The following PDE1A variants were observed in gnomAD, a reference collection of about 807,000 sequenced individuals.
The protein encoded by PDE1A is dual specificity calcium/calmodulin-dependent 3',5'-cyclic nucleotide phosphodiesterase 1A.
A neutral mutation model predicts 61.7 loss-of-function variants in PDE1A; 35 were observed. The observed-to-expected ratio is 0.57, with a 90% CI of 0.43 to 0.75. The LOEUF is 0.75. PDE1A is among the 30% of genes least tolerant of loss of function. PDE1A has a pLI of 0.00. For synonymous variants in PDE1A, 232 were observed against 213.2 expected (o/e 1.09, Z -0.77); for missense variants, 597 against 630.6 (o/e 0.95, Z 0.57).
intron 1 of PDE1A, among the ~76,000 whole-genome samples, chr2:182,332,149 G>A (rs1278631188): frequency 6.6e-6 from 1 of 152,012 alleles, no homozygotes; most frequent in African/African-American, 2.4e-5. Flanking sequence ...TTCAGCTACT[G>A]ATACTTGTGT....
In PDE1A at chr2:182,223,898, T is replaced by C. The variant is rs759193359; in HGVS notation, c.742A>G (p.Thr248Ala). The change falls in exon 7 of 14, where the codon ACA becomes GCA. Residue 248 changes from threonine to alanine, a missense_variant. Transcript: ENST00000351439. The stretch of plus-strand genomic sequence containing the variant: ...ATGTGAAAGTTGTTTGTTGTCCCTG[T>C]ATGCTCATAATCATGAATGGCAGCA... The C allele has an allele frequency of 8.1e-6, 13 of 1,601,738 alleles. No homozygotes were observed. The South Asian group carries it at 1.5e-4, about 18-fold the overall frequency.
intron 2 of PDE1A, among the ~76,000 whole-genome samples, chr2:182,460,781 A>G (rs1011554657): frequency 6.6e-6 from 1 of 152,340 alleles, no homozygotes; most frequent in African/African-American, 2.4e-5. Context: ...AGAAAATATC[A>G]GGTTTTCAAT....
chr2:182,628,338 C>G, the PDE1A span, among the ~76,000 whole-genome samples: 1 of 152,176 alleles, frequency 6.6e-6, no homozygotes, highest in Non-Finnish European at 1.5e-5. Context: ...AAATATAAGA[C>G]AAATATATTT....
At chr2:182,676,803 A>C in the PDE1A span, among the ~76,000 whole-genome samples, 1 of 152,220 alleles carries the variant, frequency 6.6e-6, no homozygotes, top group Non-Finnish European at 1.5e-5. Context: ...AAGAGACCTA[A>C]AGACAAAAAC....
At chr2:182,471,432 A>C (rs562119174) in intron 2 of PDE1A, among the ~76,000 whole-genome samples, 1 of 151,890 alleles carries the variant, frequency 6.6e-6, no homozygotes, top group East Asian at 1.9e-4. Flanking sequence ...AGCAAAATAC[A>C]GAAGTCTCTT....
intron 13 of PDE1A, among the ~76,000 whole-genome samples, chr2:182,156,579 A>G (rs1182821457): frequency 6.6e-6 from 1 of 152,158 alleles, no homozygotes; most frequent in African/African-American, 2.4e-5. Flanking sequence ...TAAACATGAC[A>G]TTTTTCATCT....
At chr2:182,349,369 T>G (rs990012164) in intron 1 of PDE1A, among the ~76,000 whole-genome samples, 1 of 152,222 alleles carries the variant, frequency 6.6e-6, no homozygotes, top group Non-Finnish European at 1.5e-5. Context: ...CAAAGTAACA[T>G]GGCTGTTGAG....
At chr2:182,509,890 GTTCA>G (rs1445058307) in intron 2 of PDE1A, among the ~76,000 whole-genome samples, 4 of 152,024 alleles carry the variant, frequency 2.6e-5, no homozygotes, top group East Asian at 1.9e-4. Context: ...TTTCTAATAA[GTTCA>G]TTTTTATTTT....
At chr2:182,241,442 T>C (rs931484088) in intron 2 of PDE1A, among the ~76,000 whole-genome samples, 1 of 152,140 alleles carries the variant, frequency 6.6e-6, no homozygotes, top group African/African-American at 2.4e-5. Flanking sequence ...TGGTTGTACA[T>C]GCTAATGCCT....
the PDE1A span, among the ~76,000 whole-genome samples, chr2:182,609,131 G>A: frequency 6.6e-6 from 1 of 152,158 alleles, no homozygotes; most frequent in Non-Finnish European, 1.5e-5. Context: ...AGCACTCTGT[G>A]TCTAGTTCAG....
chr2:182,713,062 T>C, the PDE1A span, among the ~76,000 whole-genome samples: 1 of 152,192 alleles, frequency 6.6e-6, no homozygotes, highest in African/African-American at 2.4e-5. Context: ...TTAACACCCA[T>C]GCTCTTTTGA....
intron 2 of PDE1A, among the ~76,000 whole-genome samples, chr2:182,438,950 T>A (rs948409891): frequency 6.6e-6 from 1 of 151,918 alleles, no homozygotes; most frequent in Non-Finnish European, 1.5e-5. Flanking sequence ...TAGAGTAGTC[T>A]AGGTGAAAGA....
intron 2 of PDE1A, among the ~76,000 whole-genome samples, chr2:182,504,983 A>G (rs1219885740): frequency 6.6e-6 from 1 of 152,258 alleles, no homozygotes; most frequent in African/African-American, 2.4e-5. Context: ...AACATGTTGT[A>G]GCCTGGAAGC....
At chr2:182,320,467 A>G (rs192829854) in intron 1 of PDE1A, among the ~76,000 whole-genome samples, 217 of 152,340 alleles carry the variant, frequency 1.4e-3, no homozygotes, top group African/African-American at 5.0e-3. Context: ...TTCTAAATTT[A>G]CAAAATTTAA....
the PDE1A span, among the ~76,000 whole-genome samples, chr2:182,559,952 C>G: frequency 2.0e-5 from 3 of 151,766 alleles, no homozygotes; most frequent in African/African-American, 7.2e-5. Context: ...TAAGGGTTAC[C>G]CTCAGTATGG....
chr2:182,530,035 C>T, the PDE1A span, among the ~76,000 whole-genome samples: 70 of 152,226 alleles, frequency 4.6e-4, 1 homozygote, highest in South Asian at 3.7e-3. Context: ...GCAATTAAGA[C>T]GATTCCAGAA....
intron 1 of PDE1A, among the ~76,000 whole-genome samples, chr2:182,267,933 A>G (rs763632181): frequency 4.6e-5 from 7 of 152,086 alleles, no homozygotes; most frequent in Admixed American, 2.0e-4. Flanking sequence ...TATTTACCTA[A>G]TTCTTAAGCC....
At chr2:182,355,724 G>A (rs1449009961) in intron 1 of PDE1A, among the ~76,000 whole-genome samples, 1 of 151,988 alleles carries the variant, frequency 6.6e-6, no homozygotes, top group Non-Finnish European at 1.5e-5. Flanking sequence ...TTTAATTAAG[G>A]TAGAGTTTTG....
intron 2 of PDE1A, among the ~76,000 whole-genome samples, chr2:182,449,853 C>T (rs775804935): frequency 1.3e-5 from 2 of 151,916 alleles, no homozygotes; most frequent in Non-Finnish European, 1.5e-5. Flanking sequence ...CATAGGGCTG[C>T]CCTAATAACT....
Sources: allele counts gnomAD v4.1 joint callset (sites outside exome capture counted in the v4.1 genomes callset), GRCh38; gene constraint gnomAD v4.1.1; transcripts MANE v1.5; gene names NCBI Gene and HGNC (gene_info 2026-07-23, HGNC 2026-07-21).